The following HERC2 variants were observed in gnomAD, a reference collection of about 807,000 sequenced individuals.
HERC2 encodes the protein HECT and RLD domain containing E3 ubiquitin protein ligase 2.
A neutral mutation model predicts 537.7 loss-of-function variants in HERC2; 102 were observed. The ratio of observed to expected loss-of-function variants is 0.19; its 90% confidence interval spans 0.16 to 0.22. HERC2 has a LOEUF of 0.22. Among genes scored for constraint, HERC2 ranks in the 10% least tolerant of loss-of-function variants. HERC2 has a pLI of 1.00. For missense variants in HERC2, 4,236 were observed against 6,198.2 expected (o/e 0.68, Z 10.63); for synonymous variants, 2,224 against 2,466.2 (o/e 0.90, Z 2.91).
chr15:28,200,223 A>C (rs111259013), intron 48 of HERC2, among the ~76,000 whole-genome samples: 6 of 151,902 alleles, frequency 3.9e-5, no homozygotes, highest in Non-Finnish European at 5.9e-5. Flanking sequence ...ATGAAGAAAC[A>C]CTGTCTCTAC....
intron 31 of HERC2, 147 bp downstream of exon 31, chr15:28,230,220 T>C: frequency 1.3e-6 from 1 of 798,962 alleles, no homozygotes; most frequent in Non-Finnish European, 2.1e-6. Context: ...CAGGACATCA[T>C]AAGCCAAGTT....
In HERC2 at chr15:28,178,896, C is replaced by G. The variant is rs773227601; in HGVS notation, c.9154G>C (p.Val3052Leu). 2 of 1,613,570 alleles carry G rather than the reference C, an allele frequency of 1.2e-6. No homozygotes were observed. The highest frequency in any genetic ancestry group is 1.7e-5 in the Admixed American group (1 of 60,000). ...GGTGCTTGGCTTGTACCTGAGTGAA[C>G]AGCCACCTTCTTGACCACGTAGCTG... ...LSSYVVKKVAVHSGGRHATAL... is the reference protein window; with the variant it reads ...LSSYVVKKVALHSGGRHATAL... Residue 3052 changes from valine (V) to leucine (L), a missense_variant, in exon 59 of 93, where the codon GTT (valine) becomes CTT (leucine). Transcript: ENST00000261609.
chr15:28,157,695 C>T (rs1893152654), intron 69 of HERC2, among the ~76,000 whole-genome samples: 1 of 152,188 alleles, frequency 6.6e-6, no homozygotes, highest in Non-Finnish European at 1.5e-5. Context: ...AAACCAGCTC[C>T]TGGCTTCATT....
At chr15:28,231,405 G>A (rs1359989294) in intron 30 of HERC2, among the ~76,000 whole-genome samples, 1 of 152,146 alleles carries the variant, frequency 6.6e-6, no homozygotes, top group African/African-American at 2.4e-5. Flanking sequence ...TTATGCTAAT[G>A]ATGGGACTTG....
intron 66 of HERC2, among the ~76,000 whole-genome samples, chr15:28,169,059 T>C (rs1286475449): frequency 5.3e-5 from 8 of 152,250 alleles, no homozygotes; most frequent in Non-Finnish European, 8.8e-5. Context: ...GTGTGATACA[T>C]TAGTAGATGG....
chr15:28,245,703 T>C (rs1903639391), intron 23 of HERC2, among the ~76,000 whole-genome samples, 178 bp downstream of exon 23: 1 of 152,038 alleles, frequency 6.6e-6, no homozygotes, highest in Non-Finnish European at 1.5e-5. Flanking sequence ...TTGGTTAATA[T>C]ATACATATAT....
In HERC2 at chr15:28,202,119, G is replaced by A. The variant is rs1376924153; in HGVS notation, c.7611C>T (p.Tyr2537=). The part of the protein sequence containing the change: ...EVVEDVDDAA[Y]SMSTGAVVTE... ...TCACATGGGAGGCACTGACCATGGA[G>A]TAGGCGGCATCATCCACGTCCTCCA... Residue 2537 remains tyrosine (Y), a synonymous_variant, in exon 47 of 93, where the codon TAC becomes TAT. Coordinates refer to ENST00000261609, the MANE Select transcript of HERC2 (RefSeq NM_004667.6). 1 of 1,537,138 alleles carries A rather than the reference G, an allele frequency of 6.5e-7. No individual in the cohort carries two copies. Among genetic ancestry groups the A allele is most frequent in the Non-Finnish European group, 8.9e-7 (1 of 1,118,950 alleles).
intron 68 of HERC2, 71 bp downstream of exon 68, chr15:28,167,616 G>A (rs1894277783): frequency 2.6e-6 from 4 of 1,567,930 alleles, no homozygotes; most frequent in African/African-American, 1.4e-5. Flanking sequence ...CCACTCCTAA[G>A]TTCTATTTCT....
chr15:28,124,889 T>C, intron 84 of HERC2, 117 bp downstream of exon 84: 2 of 1,091,838 alleles, frequency 1.8e-6, no homozygotes, highest in Non-Finnish European at 2.6e-6. Flanking sequence ...GGTTAACATT[T>C]ACTGAGCCTG....
At position 28,124,123 on chromosome 15, in the gene HERC2, C is replaced by T. The variant is rs1889218469; in HGVS notation, c.13102G>A (p.Asp4368Asn). The T allele has an allele frequency of 4.4e-6, 7 of 1,605,896 alleles. No individual in the cohort carries two copies. Among genetic ancestry groups the T allele is most frequent in the Non-Finnish European group, 5.1e-6 (6 of 1,176,098 alleles). Residue 4368 changes from aspartate to asparagine, a missense_variant, in exon 85 of 93, where the codon GAC becomes AAC. Physicochemically the swap from Asp to Asn is conservative, Grantham distance 23 (BLOSUM62 1). Around this residue, in one of 27 missense-constraint regions of HERC2, gnomAD observed 189 missense variants for 255.7 expected, o/e 0.74. Coordinates refer to ENST00000261609, the MANE Select transcript of HERC2 (RefSeq NM_004667.6). ...GTTTCGTCGAGCGAGCCTTCCAGGT[C>T]GAACATGGGGATGCAGGGGCAGAAG... The part of the protein sequence containing the change: ...ELFCPCIPMF[D>N]LEGSLDETGL...
At position 28,186,560 on chromosome 15, in the gene HERC2, T is replaced by C. The variant is rs1896328840; in HGVS notation, c.8825+17A>G. ...GTAGCGGGAGGTAAGTGAGCACCTGTAACAAATGGTTCTCACCTTCCGCTG... is the reference window on the plus strand; with the variant it reads ...GTAGCGGGAGGTAAGTGAGCACCTGCAACAAATGGTTCTCACCTTCCGCTG... On this transcript the variant is annotated intron_variant, in intron 56 of 92. Coordinates refer to ENST00000261609, the MANE Select transcript of HERC2 (RefSeq NM_004667.6). The C allele has an allele frequency of 1.2e-6, 2 of 1,608,806 alleles. No individual in the cohort carries two copies. Among genetic ancestry groups the C allele is most frequent in the Non-Finnish European group, 1.7e-6 (2 of 1,176,576 alleles).
At chr15:28,199,371 A>T (rs921348293) in intron 48 of HERC2, among the ~76,000 whole-genome samples, 1 of 152,220 alleles carries the variant, frequency 6.6e-6, no homozygotes, top group South Asian at 2.1e-4. Context: ...CAGTGGAAAC[A>T]TCACACCCTA....
chr15:28,254,644 C>T (rs773290492), intron 19 of HERC2, 126 bp from the exon 20 acceptor site: 40 of 580,794 alleles, frequency 6.9e-5, no homozygotes, highest in Non-Finnish European at 1.1e-4. Context: ...CACACACCTA[C>T]CCACAGGCCC....
intron 78 of HERC2, among the ~76,000 whole-genome samples, chr15:28,137,032 A>C (rs1325597497): frequency 6.6e-6 from 1 of 152,196 alleles, no homozygotes; most frequent in African/African-American, 2.4e-5. Flanking sequence ...CATATAAAAC[A>C]ACCAAAACAA....
chr15:28,219,410 G>C (rs1261772635), intron 37 of HERC2, among the ~76,000 whole-genome samples: 1 of 152,258 alleles, frequency 6.6e-6, no homozygotes, highest in Non-Finnish European at 1.5e-5. Context: ...GGGAGGCTGA[G>C]GGAGGAAGCA....
At chr15:28,271,106 T>A (rs1299503695) in intron 9 of HERC2, among the ~76,000 whole-genome samples, 3 of 152,138 alleles carry the variant, frequency 2.0e-5, no homozygotes, top group Non-Finnish European at 2.9e-5. Context: ...TATACATTTA[T>A]GATACCACAG....
intron 48 of HERC2, 72 bp downstream of exon 48, chr15:28,201,384 G>T (rs1229316379): frequency 2.2e-5 from 22 of 989,988 alleles, no homozygotes; most frequent in Non-Finnish European, 3.3e-5. Context: ...CTGATGTTTG[G>T]CATATAGGAC....
At chr15:28,271,671 GA>G (rs912352425) in intron 9 of HERC2, among the ~76,000 whole-genome samples, 11 of 146,130 alleles carry the variant, frequency 7.5e-5, no homozygotes, top group South Asian at 2.2e-4. Flanking sequence ...TCCATCTAAG[GA>G]AAAAAAAAAG....
intron 15 of HERC2, among the ~76,000 whole-genome samples, chr15:28,261,916 T>G (rs895643508): frequency 6.6e-6 from 1 of 152,198 alleles, no homozygotes; most frequent in Non-Finnish European, 1.5e-5. Context: ...ACACAAAGAA[T>G]GTATGTAGTA....
Sources: allele counts gnomAD v4.1 joint callset (sites outside exome capture counted in the v4.1 genomes callset), GRCh38; gene constraint gnomAD v4.1.1; regional missense constraint gnomAD v4.1.1; transcripts MANE v1.5; gene names NCBI Gene and HGNC (gene_info 2026-07-23, HGNC 2026-07-21).